SPAG1: variants seen among roughly 807,000 people sequenced by gnomAD.
The protein encoded by SPAG1 is sperm associated antigen 1.
A neutral mutation model predicts 100.5 loss-of-function variants in SPAG1; 69 were observed. The observed-to-expected ratio is 0.69, with a 90% confidence interval of 0.57 to 0.84. The LOEUF is 0.84. SPAG1 is among the 40% of genes least tolerant of loss of function. SPAG1 has a pLI of 0.00. For missense variants in SPAG1, 955 were observed against 1,133.1 expected (o/e 0.84, Z 2.26); for synonymous variants, 336 against 411.6 (o/e 0.82, Z 2.22).
intron 10 of SPAG1, among the ~76,000 whole-genome samples, chr8:100,204,201 C>T (rs1480867684): frequency 6.6e-6 from 1 of 152,092 alleles, no homozygotes; most frequent in South Asian, 2.1e-4. Context: ...AATGTTGATT[C>T]TCCTCAGAAG....
chr8:100,184,135 A>T (rs1344937152), intron 6 of SPAG1, 73 bp downstream of exon 6: 1 of 667,592 alleles, frequency 1.5e-6, no homozygotes, highest in African/African-American at 1.9e-5. Context: ...TCAATCTAGA[A>T]GACATTGTCT....
At chr8:100,186,337 C>G (rs2132266272) in intron 7 of SPAG1, among the ~76,000 whole-genome samples, 1 of 152,170 alleles carries the variant, frequency 6.6e-6, no homozygotes, top group South Asian at 2.1e-4. Context: ...TCCCAAAGTG[C>G]TGAGATTACA....
chr8:100,240,679 CTCAT>C lies in SPAG1; in HGVS notation c.2561_2564del (p.Ile854SerfsTer3), dbSNP rs756444933. ...ACTTGAAGGGGATACATTCCTTCTC[CTCAT>C]TCAGTCTCTGAAAAATAATCTTATT... On this transcript the variant is annotated frameshift_variant, in exon 18 of 19. Transcript: ENST00000388798. LOFTEE classifies it high-confidence loss of function. 5 of 1,613,924 alleles carry C rather than the reference CTCAT, an allele frequency of 3.1e-6. No homozygotes were observed. Among genetic ancestry groups the C allele is most frequent in the Non-Finnish European group, 4.2e-6 (5 of 1,179,890 alleles).
intron 8 of SPAG1, among the ~76,000 whole-genome samples, chr8:100,188,899 C>T (rs539215634): frequency 5.9e-5 from 9 of 152,282 alleles, no homozygotes; most frequent in South Asian, 2.1e-4. Flanking sequence ...CTGTGTTTTA[C>T]GCAAGCTGGT....
chr8:100,191,291 A>C (rs1215064796), intron 8 of SPAG1, 99 bp from the exon 9 acceptor site: 4 of 737,206 alleles, frequency 5.4e-6, no homozygotes, highest in Non-Finnish European at 9.1e-6. Context: ...ATTACATCCT[A>C]AAGTATTCTG....
At position 100,225,231 on chromosome 8, in the gene SPAG1, A is replaced by T; in HGVS notation, c.1747A>T (p.Ile583Phe). ...GPNWREKLSP[I>F]PAVPASVPLQ... ...AAATTGGCGGGAGAAGCTGTCACCT[A>T]TTCCTGCTGTGCCTGCTTCTGTGCC... The change falls in exon 14 of 19, where the codon ATT (isoleucine) becomes TTT (phenylalanine). Residue 583 changes from isoleucine (I) to phenylalanine (F), a missense_variant. By Grantham distance (21) the Ile-to-Phe change is conservative. Transcript: ENST00000388798. 2 of 1,613,860 alleles carry T rather than the reference A, an allele frequency of 1.2e-6. No homozygotes were observed. The highest frequency in any genetic ancestry group is 1.7e-6 in the Non-Finnish European group (2 of 1,179,856).
chr8:100,231,258 A>T lies in SPAG1; in HGVS notation c.1958A>T (p.Asn653Ile). The T allele has an allele frequency of 6.3e-7, 1 of 1,596,930 alleles. No homozygotes were observed. The highest frequency in any genetic ancestry group is 1.1e-5 in the South Asian group (1 of 88,526). Residue 653 changes from asparagine to isoleucine, a missense_variant, in exon 15 of 19, where the codon AAC (asparagine) becomes ATC (isoleucine). Transcript: ENST00000388798. ...LSKYSECLKI[N>I]NKECAIYTNR... The stretch of plus-strand genomic sequence containing the variant: ...AAATACAGCGAATGCTTAAAGATTA[A>T]CAATAAGGAATGTGCCATATATACA...
chr8:100,211,291 C>T (rs1322313642), intron 10 of SPAG1, among the ~76,000 whole-genome samples: 3 of 152,200 alleles, frequency 2.0e-5, no homozygotes, highest in Non-Finnish European at 2.9e-5. Flanking sequence ...CTCTGTTTAC[C>T]TGTCCAGAGA....
At chr8:100,229,133 C>G (rs1479334958) in intron 14 of SPAG1, among the ~76,000 whole-genome samples, 1 of 152,152 alleles carries the variant, frequency 6.6e-6, no homozygotes, top group African/African-American at 2.4e-5. Flanking sequence ...GTAGGCCGGG[C>G]GTGGTGGCTC....
chr8:100,178,835 G>A (rs148956780), intron 4 of SPAG1, among the ~76,000 whole-genome samples: 110 of 151,708 alleles, frequency 7.3e-4, no homozygotes, highest in Middle Eastern at 3.4e-3. Flanking sequence ...GGTGGCTCAC[G>A]CCTGTAATCC....
At chr8:100,159,132 T>C (rs1815197551) in intron 1 of SPAG1, among the ~76,000 whole-genome samples, 1 of 152,190 alleles carries the variant, frequency 6.6e-6, no homozygotes, top group Non-Finnish European at 1.5e-5. Context: ...CAATTCAAGG[T>C]AATCTATTTT....
At chr8:100,234,919 A>G (rs887144483) in intron 16 of SPAG1, among the ~76,000 whole-genome samples, 1 of 152,136 alleles carries the variant, frequency 6.6e-6, no homozygotes, top group Non-Finnish European at 1.5e-5. Context: ...TGGAAGGTTG[A>G]TAAGAGGGGC....
At chr8:100,196,989 A>G (rs980855972) in intron 10 of SPAG1, among the ~76,000 whole-genome samples, 1 of 151,954 alleles carries the variant, frequency 6.6e-6, no homozygotes, top group Non-Finnish European at 1.5e-5. Context: ...CTCCTGGGCC[A>G]AAGATTCTCC....
At chr8:100,191,616 G>A (rs1250990545) in intron 9 of SPAG1, 120 bp downstream of exon 9, 1 of 655,496 alleles carries the variant, frequency 1.5e-6, no homozygotes, top group Non-Finnish European at 2.7e-6. Flanking sequence ...GCTTTAAAAG[G>A]TAGGTATATT....
chr8:100,163,192 T>C (rs1036064750), intron 2 of SPAG1, among the ~76,000 whole-genome samples: 1 of 152,060 alleles, frequency 6.6e-6, no homozygotes, highest in Non-Finnish European at 1.5e-5. Context: ...CAACTGAATA[T>C]ACATCAAATG....
At chr8:100,169,521 T>C (rs1815724416) in intron 3 of SPAG1, among the ~76,000 whole-genome samples, 1 of 152,154 alleles carries the variant, frequency 6.6e-6, no homozygotes, top group African/African-American at 2.4e-5. Flanking sequence ...GGTGGATCAC[T>C]TGAGGTCGGG....
rs765078466 is a variant in SPAG1 at position 100,240,775 on chromosome 8, A to C, written c.2649+4A>C. The stretch of plus-strand genomic sequence containing the variant: ...GAGTAAAGCAGAAAGGTTTAAGGTA[A>C]GTGGCTAAGTATTTTATTAGTAGAA... On this transcript the variant is annotated splice_donor_region_variant and intron_variant, in intron 18 of 18. Coordinates refer to ENST00000388798, the MANE Select transcript of SPAG1 (RefSeq NM_003114.5). 64 of 1,575,152 alleles carry C rather than the reference A, an allele frequency of 4.1e-5. No homozygotes were observed. Among genetic ancestry groups the C allele is most frequent in the Non-Finnish European group, 5.2e-5 (61 of 1,165,478 alleles).
At chr8:100,220,171 G>C in intron 12 of SPAG1, 108 bp from the exon 13 acceptor site, 1 of 872,248 alleles carries the variant, frequency 1.1e-6, no homozygotes. Flanking sequence ...ACGAAGTCTC[G>C]GATGTGTACA....
intron 14 of SPAG1, among the ~76,000 whole-genome samples, chr8:100,230,295 C>T (rs138676192): frequency 6.6e-6 from 1 of 152,356 alleles, no homozygotes; most frequent in East Asian, 1.9e-4. Flanking sequence ...AAGCAAAACA[C>T]TGTGGATATT....
Sources: gnomAD v4.1 joint callset for allele counts (sites outside exome capture counted in the v4.1 genomes callset) on GRCh38, gnomAD v4.1.1 for gene constraint, MANE v1.5 for transcripts, NCBI Gene and HGNC (gene_info 2026-07-23, HGNC 2026-07-21) for gene names.